Variants in ODR4 observed in about 807,000 individuals in gnomAD.
ODR4 encodes the protein protein odr-4 homolog.
A neutral mutation model predicts 60.2 loss-of-function variants in ODR4; 47 were observed. That is an observed-to-expected ratio of 0.78 (90% CI 0.62 to 1.00). The LOEUF (loss-of-function observed/expected upper bound fraction) is 1.00, where lower values mean the gene tolerates loss of function less well. Ranked by LOEUF, ODR4 falls within the 50% of genes least tolerant of loss-of-function variation. The probability of loss-of-function intolerance (pLI) is 0.00; values close to 1 mark genes in which losing one functional copy is unlikely to be tolerated. For synonymous variants in ODR4, 178 were observed against 175.5 expected, an observed-to-expected ratio of 1.01 and a Z score of -0.11; for missense variants, 488 against 530.8, an observed-to-expected ratio of 0.92 and a Z score of 0.79.
In ODR4 at chr1:186,398,295, A is replaced by G. The variant is rs765586118; in HGVS notation, c.781-18A>G. ...ATCATTGTTGGTTATTAGAACTTAA[A>G]CAGATTTTGTCTTTCAGCTCCTGAA... On this transcript the variant is annotated intron_variant, in intron 9 of 13. Transcript: ENST00000287859. The G allele has an allele frequency of 1.3e-6, 2 of 1,563,902 alleles. No homozygotes were observed. Among genetic ancestry groups the G allele is most frequent in the Non-Finnish European group, 1.7e-6 (2 of 1,155,352 alleles).
intron 11 of ODR4, among the ~76,000 whole-genome samples, chr1:186,402,221 T>TCTTTCTTTCTTTCTTTCTTTCTTTC: frequency 6.7e-6 from 1 of 149,772 alleles, no homozygotes; most frequent in East Asian, 2.0e-4. Context: ...TTTCTTTCTT[T>TCTTTCTTTCTTTCTTTCTTTCTTTC]CTTTCTTTCT....
chr1:186,413,048 C>T (rs1050986105), intron 12 of ODR4, among the ~76,000 whole-genome samples: 3 of 152,022 alleles, frequency 2.0e-5, no homozygotes, highest in Non-Finnish European at 2.9e-5. Flanking sequence ...TCAATTACTA[C>T]GCATTTAGGA....
intron 11 of ODR4, chr1:186,401,276 A>G: frequency 1.7e-6 from 2 of 1,179,340 alleles, no homozygotes; most frequent in South Asian, 1.5e-5. Context: ...GTTAATGTTA[A>G]AGCCTAATCC....
At chr1:186,427,181 A>G in the ODR4 span, among the ~76,000 whole-genome samples, 1 of 152,206 alleles carries the variant, frequency 6.6e-6, no homozygotes, top group African/African-American at 2.4e-5. Context: ...TGCCACATCA[A>G]TTGACTCTTC....
the ODR4 span, among the ~76,000 whole-genome samples, chr1:186,427,275 C>G: frequency 5.9e-5 from 9 of 152,172 alleles, no homozygotes; most frequent in Admixed American, 6.5e-5. Context: ...TGGAGTCAGT[C>G]CCCTCAAACC....
chr1:186,389,202 A>G (rs1226156917), intron 5 of ODR4, among the ~76,000 whole-genome samples: 3 of 152,088 alleles, frequency 2.0e-5, no homozygotes, highest in Non-Finnish European at 4.4e-5. Flanking sequence ...GCAAAGTTTC[A>G]TATACAAGCC....
chr1:186,401,447 T>A (rs1660940586), intron 11 of ODR4: 2 of 269,614 alleles, frequency 7.4e-6, no homozygotes, highest in African/African-American at 4.6e-5. Flanking sequence ...GCAAATGACT[T>A]TATAGGCATC....
At chr1:186,434,337 G>T in the ODR4 span, among the ~76,000 whole-genome samples, 1 of 151,992 alleles carries the variant, frequency 6.6e-6, no homozygotes, top group Non-Finnish European at 1.5e-5. Flanking sequence ...CAATACCTGG[G>T]TTTAAAAAAT....
intron 11 of ODR4, chr1:186,401,088 A>G (rs768019509): frequency 1.3e-6 from 2 of 1,597,028 alleles, no homozygotes; most frequent in South Asian, 2.2e-5. Context: ...TTACCTTAGC[A>G]GACACATTAG....
chr1:186,417,151 C>T (rs1424457580), intron 12 of ODR4, among the ~76,000 whole-genome samples: 9 of 151,844 alleles, frequency 5.9e-5, no homozygotes, highest in Non-Finnish European at 1.2e-4. Context: ...TTAGTAGAGA[C>T]GGGGTTTCAC....
downstream of ODR4, among the ~76,000 whole-genome samples, chr1:186,423,337 A>AAC (rs1316315054): frequency 2.0e-5 from 3 of 152,000 alleles, no homozygotes; most frequent in Non-Finnish European, 2.9e-5. Flanking sequence ...ACACTTGTAA[A>AAC]GTCAAAAGCA....
chr1:186,392,892 C>G (rs1413523090), intron 8 of ODR4, among the ~76,000 whole-genome samples: 2 of 152,152 alleles, frequency 1.3e-5, no homozygotes, highest in African/African-American at 4.8e-5. Context: ...TAAGCACAAG[C>G]TACTCGGGGT....
chr1:186,423,026 T>A (rs1040449794), downstream of ODR4, among the ~76,000 whole-genome samples: 5 of 152,088 alleles, frequency 3.3e-5, no homozygotes, highest in African/African-American at 1.2e-4. Context: ...ATTTGAAAAC[T>A]TAGACAAAAT....
chr1:186,392,877 G>A (rs918566114), intron 8 of ODR4, among the ~76,000 whole-genome samples: 1 of 152,152 alleles, frequency 6.6e-6, no homozygotes, highest in African/African-American at 2.4e-5. Context: ...GGTGGCAGGT[G>A]CCTGTAAGCA....
At chr1:186,403,417 A>G (rs1462179947) in intron 11 of ODR4, among the ~76,000 whole-genome samples, 3 of 152,020 alleles carry the variant, frequency 2.0e-5, no homozygotes, top group Admixed American at 1.3e-4. Flanking sequence ...TATACACCAA[A>G]TTGTTAGATT....
chr1:186,384,761 T>C (rs1660188429), intron 3 of ODR4, among the ~76,000 whole-genome samples: 1 of 152,200 alleles, frequency 6.6e-6, no homozygotes, highest in Non-Finnish European at 1.5e-5. Flanking sequence ...TGCAGGCTCC[T>C]TATGCTAAAT....
At chr1:186,428,658 T>C in the ODR4 span, among the ~76,000 whole-genome samples, 3 of 152,264 alleles carry the variant, frequency 2.0e-5, no homozygotes, top group African/African-American at 7.2e-5. Context: ...CATGCCTTCC[T>C]CATTTAGCTT....
At chr1:186,398,480 C>G (rs1449419014) in intron 10 of ODR4, 39 bp downstream of exon 10, 1 of 1,541,038 alleles carries the variant, frequency 6.5e-7, no homozygotes, top group Admixed American at 2.2e-5. Flanking sequence ...ACCATGTTAA[C>G]TATTAACAAA....
chr1:186,401,586 C>CCCCTTCCCTCCCCT (rs144156368), intron 11 of ODR4: 28,531 of 157,984 alleles, frequency 0.18, 3,185 homozygotes, highest in African/African-American at 0.31. Context: ...TCCCTTCCCT[C>CCCCTTCCCTCCCCT]CCCTTCCCTC....
Sources: allele counts gnomAD v4.1 joint callset (sites outside exome capture counted in the v4.1 genomes callset), GRCh38; gene constraint gnomAD v4.1.1; transcripts MANE v1.5; gene names NCBI Gene and HGNC (gene_info 2026-07-23, HGNC 2026-07-21).